The following DSCAM variants were observed in gnomAD, a reference collection of about 807,000 sequenced individuals.
DSCAM encodes DS cell adhesion molecule.
A neutral mutation model predicts 217.7 loss-of-function variants in DSCAM; 47 were observed. That is an observed-to-expected ratio of 0.22 (90% CI 0.17 to 0.28). DSCAM has a LOEUF of 0.28. Among genes scored for constraint, DSCAM ranks in the 10% least tolerant of loss-of-function variants. The probability of loss-of-function intolerance (pLI) is 1.00; values close to 1 mark genes in which losing one functional copy is unlikely to be tolerated. For missense variants in DSCAM, 2,080 were observed against 2,618.3 expected (o/e 0.79, Z 4.49); for synonymous variants, 1,056 against 1,015.3 (o/e 1.04, Z -0.76).
At chr21:40,180,167 G>A (rs551009585) in intron 14 of DSCAM, among the ~76,000 whole-genome samples, 1 of 152,282 alleles carries the variant, frequency 6.6e-6, no homozygotes, top group South Asian at 2.1e-4. Flanking sequence ...GTTTAATAGA[G>A]GAACAAATAA....
chr21:40,299,440 C>G (rs1204274871), intron 9 of DSCAM, among the ~76,000 whole-genome samples: 1 of 152,128 alleles, frequency 6.6e-6, no homozygotes. Context: ...GTACTTACAT[C>G]AAGAAGACCT....
chr21:40,480,821 C>T (rs972101878), intron 3 of DSCAM, among the ~76,000 whole-genome samples: 1 of 152,316 alleles, frequency 6.6e-6, no homozygotes. Flanking sequence ...AAAGATGATA[C>T]TGGCTCAAGG....
chr21:40,352,046 T>G (rs79224792), intron 5 of DSCAM, among the ~76,000 whole-genome samples: 9,583 of 152,222 alleles, frequency 0.063, 616 homozygotes, highest in African/African-American at 0.16. Flanking sequence ...TGCCTGAGGT[T>G]GCAATTTTTT....
chr21:40,821,753 A>C (rs1311013760), intron 1 of DSCAM, among the ~76,000 whole-genome samples: 1 of 152,086 alleles, frequency 6.6e-6, no homozygotes, highest in Admixed American at 6.6e-5. Flanking sequence ...AAACTAGTGC[A>C]GGAACAGAAA....
chr21:40,637,600 T>TAC (rs1568955158), intron 3 of DSCAM, among the ~76,000 whole-genome samples: 1 of 42,106 alleles, frequency 2.4e-5, no homozygotes, highest in Non-Finnish European at 4.7e-5. Flanking sequence ...TATAAATATA[T>TAC]ATATAAATAT....
At chr21:40,324,135 A>G (rs1026207445) in intron 8 of DSCAM, among the ~76,000 whole-genome samples, 8 of 150,446 alleles carry the variant, frequency 5.3e-5, no homozygotes, top group African/African-American at 1.9e-4. Flanking sequence ...AAAAAAAGAA[A>G]AAAAAAAGAG....
At chr21:40,135,582 C>T (rs1206929667) in intron 18 of DSCAM, among the ~76,000 whole-genome samples, 6 of 152,128 alleles carry the variant, frequency 3.9e-5, no homozygotes, top group East Asian at 3.9e-4. Context: ...GCCGTCGTGT[C>T]GGCCAGATTA....
intron 3 of DSCAM, among the ~76,000 whole-genome samples, chr21:40,394,581 C>T (rs1416314478): frequency 6.6e-6 from 1 of 152,180 alleles, no homozygotes; most frequent in Non-Finnish European, 1.5e-5. Flanking sequence ...GAGTCTTCAA[C>T]CAAGGCAGGT....
chr21:40,539,222 T>C (rs2076523935), intron 3 of DSCAM, among the ~76,000 whole-genome samples: 1 of 152,088 alleles, frequency 6.6e-6, no homozygotes, highest in South Asian at 2.1e-4. Context: ...GGGATTTCCA[T>C]GGCTGGGCGC....
intron 3 of DSCAM, among the ~76,000 whole-genome samples, chr21:40,635,290 A>G (rs2089743023): frequency 6.6e-6 from 1 of 152,220 alleles, no homozygotes; most frequent in African/African-American, 2.4e-5. Context: ...AGGACAGGGC[A>G]GCAGTACCAA....
chr21:40,102,636 A>T (rs1347372007), intron 20 of DSCAM, among the ~76,000 whole-genome samples: 1 of 152,168 alleles, frequency 6.6e-6, no homozygotes, highest in Non-Finnish European at 1.5e-5. Context: ...CATGTGTAAG[A>T]TGCTTTTGAC....
At chr21:40,181,090 C>A (rs543965008) in intron 14 of DSCAM, among the ~76,000 whole-genome samples, 1 of 152,186 alleles carries the variant, frequency 6.6e-6, no homozygotes, top group African/African-American at 2.4e-5. Flanking sequence ...ACCCTCCTGT[C>A]CGTGGCCTTC....
intron 3 of DSCAM, among the ~76,000 whole-genome samples, chr21:40,611,076 T>TTTTTTG (rs58656045): frequency 2.0e-5 from 3 of 149,378 alleles, no homozygotes; most frequent in African/African-American, 7.5e-5. Context: ...TTTTTTTTTT[T>TTTTTTG]GGGATGGAGA....
intron 5 of DSCAM, among the ~76,000 whole-genome samples, chr21:40,351,409 C>A (rs1004619397): frequency 2.0e-5 from 3 of 152,130 alleles, no homozygotes; most frequent in Non-Finnish European, 4.4e-5. Flanking sequence ...TTTTGAAGTG[C>A]CAACTAAATT....
At chr21:40,221,551 A>G (rs1483053594) in intron 11 of DSCAM, among the ~76,000 whole-genome samples, 1 of 151,502 alleles carries the variant, frequency 6.6e-6, no homozygotes, top group Admixed American at 6.6e-5. Context: ...GATCTCAGGT[A>G]CAGTCCAACA....
At chr21:40,227,737 C>A (rs999543605) in intron 11 of DSCAM, among the ~76,000 whole-genome samples, 5 of 152,182 alleles carry the variant, frequency 3.3e-5, no homozygotes, top group Admixed American at 1.3e-4. Context: ...GATAATAACA[C>A]AGGAAGTCCC....
rs571844868 is a variant in DSCAM at position 40,263,025 on chromosome 21, C to T, written c.2356+13072G>A. Among the ~76,000 whole-genome samples the T allele has an allele frequency of 3.9e-5, 6 of 152,258 alleles. No individual in the cohort carries two copies. The East Asian group carries it at 7.7e-4, about 20-fold the overall frequency. The stretch of plus-strand genomic sequence containing the variant: ...AAATTAATAAGGATGTGTGCTTAGG[C>T]TATACAAATAAAAGAGAAAGCCAAG... On this transcript the variant is annotated intron_variant, in intron 11 of 32. Transcript: ENST00000400454.
chr21:40,819,474 C>T (rs575500604), intron 1 of DSCAM, among the ~76,000 whole-genome samples: 5 of 152,166 alleles, frequency 3.3e-5, no homozygotes, highest in African/African-American at 4.8e-5. Context: ...GTTGTGTATA[C>T]GTTCCCAATT....
chr21:40,815,796 C>T (rs1020322721), intron 1 of DSCAM, among the ~76,000 whole-genome samples: 1 of 152,176 alleles, frequency 6.6e-6, no homozygotes, highest in Admixed American at 6.5e-5. Flanking sequence ...CTCTAGTGAC[C>T]TTCAGCAATG....
Sources: allele counts gnomAD v4.1 joint callset (sites outside exome capture counted in the v4.1 genomes callset), GRCh38; gene constraint gnomAD v4.1.1; transcripts MANE v1.5; gene names NCBI Gene and HGNC (gene_info 2026-07-23, HGNC 2026-07-21).